Variants in DYNC1I2 observed in about 807,000 individuals in gnomAD.
DYNC1I2 encodes cytoplasmic dynein 1 intermediate chain 2.
Under a neutral mutation model 88.6 loss-of-function variants are expected in DYNC1I2, and 53 were observed. The observed-to-expected ratio is 0.60, with a 90% confidence interval of 0.48 to 0.75. The LOEUF is 0.75. DYNC1I2 is among the 30% of genes least tolerant of loss of function. The pLI, the probability that DYNC1I2 is intolerant of heterozygous loss-of-function variation, is 0.00. For missense variants in DYNC1I2, 458 were observed against 766.6 expected (o/e 0.60, Z 4.75); for synonymous variants, 198 against 254.6 (o/e 0.78, Z 2.12).
chr2:171,709,378 T>C (rs906545199), intron 5 of DYNC1I2, among the ~76,000 whole-genome samples: 3 of 152,164 alleles, frequency 2.0e-5, no homozygotes, highest in Admixed American at 6.6e-5. Context: ...AAGAAAAATA[T>C]TTATTCATGT....
chr2:171,725,414 C>T (rs1260891651), intron 7 of DYNC1I2, among the ~76,000 whole-genome samples: 4 of 152,030 alleles, frequency 2.6e-5, no homozygotes, highest in Non-Finnish European at 4.4e-5. Flanking sequence ...CAAGAGGTTC[C>T]ACTTAACTAT....
chr2:171,742,574 A>G (rs1192299972), intron 15 of DYNC1I2, among the ~76,000 whole-genome samples: 1 of 152,194 alleles, frequency 6.6e-6, no homozygotes, highest in Non-Finnish European at 1.5e-5. Flanking sequence ...AATAACTTTT[A>G]TGGAATCTGA....
intron 16 of DYNC1I2, 67 bp from the exon 17 acceptor site, chr2:171,745,735 T>C (rs1689732901): frequency 6.7e-7 from 1 of 1,482,028 alleles, no homozygotes; most frequent in African/African-American, 1.4e-5. Context: ...GAAGAATTAC[T>C]GTTTTACATG....
At chr2:171,708,148 T>TA (rs1305683753) in intron 5 of DYNC1I2, among the ~76,000 whole-genome samples, 2 of 151,910 alleles carry the variant, frequency 1.3e-5, no homozygotes, top group Non-Finnish European at 2.9e-5. Context: ...TAAACATAGG[T>TA]AGTCAAAATC....
At chr2:171,725,597 T>C (rs536047148) in intron 7 of DYNC1I2, 21 bp from the exon 8 acceptor site, 4 of 1,286,828 alleles carry the variant, frequency 3.1e-6, no homozygotes, top group East Asian at 5.0e-5. Context: ...TTTTTTTGTT[T>C]GTTTTTTTTT....
chr2:171,725,604 T>G lies in DYNC1I2; in HGVS notation c.512-14T>G, dbSNP rs1559391172. Reference sequence around the variant, plus strand: ...TTTTTTTGTTTTTTTGTTTGTTTTTTTTTTTTTTTTCAGATGAAGAGGAAG... The same window carrying G: ...TTTTTTTGTTTTTTTGTTTGTTTTTGTTTTTTTTTTCAGATGAAGAGGAAG... On this transcript the variant is annotated splice_polypyrimidine_tract_variant and intron_variant, in intron 7 of 17. Coordinates refer to ENST00000397119, the MANE Select transcript of DYNC1I2 (RefSeq NM_001378.3). 33 of 1,405,236 alleles carry G rather than the reference T, an allele frequency of 2.3e-5. No individual in the cohort carries two copies. Among genetic ancestry groups the G allele is most frequent in the East Asian group, 2.6e-5 (1 of 38,592 alleles). The allele number at this position is 1,405,236 out of a possible 1,614,324, so 87.0% of individuals were successfully genotyped here. A position where few individuals can be genotyped will look rare whatever the true frequency, so the allele number is the denominator to read the frequency against.
intron 17 of DYNC1I2, among the ~76,000 whole-genome samples, chr2:171,746,951 T>A (rs1689824616): frequency 6.6e-6 from 1 of 151,866 alleles, no homozygotes; most frequent in East Asian, 1.9e-4. Context: ...CCCAGCACTT[T>A]GGGAGGATGA....
chr2:171,707,069 G>GCC, intron 4 of DYNC1I2: 1 of 651,850 alleles, frequency 1.5e-6, no homozygotes. Flanking sequence ...AATGCATTTT[G>GCC]CCAGAAAAAT....
At position 171,703,253 on chromosome 2, in the gene DYNC1I2, T is replaced by G. The variant is rs569511272; in HGVS notation, c.227-3294T>G. ...CGTATTGTTTAATTTAATTATTTTT[T>G]GAGACAGGGCCTCACTCTGTTACCC... On this transcript the variant is annotated intron_variant, in intron 3 of 17. Coordinates refer to ENST00000397119, the MANE Select transcript of DYNC1I2 (RefSeq NM_001378.3). Among the ~76,000 whole-genome samples, 3 of 152,334 alleles carry G rather than the reference T, an allele frequency of 2.0e-5. No individual in the cohort carries two copies. In the South Asian group the frequency reaches 6.2e-4, roughly 32 times the overall value.
chr2:171,715,251 C>G, intron 6 of DYNC1I2, 77 bp from the exon 7 acceptor site: 1 of 848,268 alleles, frequency 1.2e-6, no homozygotes. Flanking sequence ...GTGCAAATGA[C>G]TGTTTAATTC....
chr2:171,743,532 G>A (rs761567838), intron 15 of DYNC1I2, among the ~76,000 whole-genome samples: 3 of 152,216 alleles, frequency 2.0e-5, no homozygotes, highest in Non-Finnish European at 2.9e-5. Flanking sequence ...CCTGTCAGAA[G>A]TTCTCGTGCC....
intron 9 of DYNC1I2, 31 bp from the exon 10 acceptor site, chr2:171,726,163 T>C (rs761813083): frequency 1.9e-6 from 3 of 1,589,076 alleles, no homozygotes; most frequent in Admixed American, 1.8e-5. Flanking sequence ...TATAACACCA[T>C]CTTTTTGGGG....
At chr2:171,692,727 A>G (rs1685487714) in intron 2 of DYNC1I2, 50 bp from the exon 3 acceptor site, 2 of 1,388,426 alleles carry the variant, frequency 1.4e-6, no homozygotes, top group East Asian at 2.5e-5. Context: ...TTTTGCAAAC[A>G]AATTTTTCAT....
At chr2:171,713,400 G>T (rs1417171351) in intron 6 of DYNC1I2, among the ~76,000 whole-genome samples, 1 of 150,182 alleles carries the variant, frequency 6.7e-6, no homozygotes, top group Admixed American at 6.6e-5. Flanking sequence ...AAATAAATAG[G>T]TTCTTTTCTT....
chr2:171,708,028 A>T (rs923593598), intron 5 of DYNC1I2, among the ~76,000 whole-genome samples: 9 of 151,606 alleles, frequency 5.9e-5, no homozygotes, highest in African/African-American at 2.2e-4. Context: ...CAAAGATCAT[A>T]TTGGGAAAAG....
chr2:171,697,712 G>A (rs1461157662), intron 3 of DYNC1I2, among the ~76,000 whole-genome samples: 1 of 151,642 alleles, frequency 6.6e-6, no homozygotes, highest in Non-Finnish European at 1.5e-5. Flanking sequence ...AACAAAATTA[G>A]CCAGGCATGA....
At position 171,748,433 on chromosome 2, in the gene DYNC1I2, C is replaced by T. The variant is rs116719091; in HGVS notation, c.*544C>T. ...TTAACTTTTCAAATTTTCATTTTTA[C>T]TCCTTACAACTTGAATTTTTCCATC... is the stretch of plus-strand genomic sequence containing the variant. On this transcript the variant is annotated 3_prime_UTR_variant, in exon 18 of 18. Coordinates refer to ENST00000397119, the MANE Select transcript of DYNC1I2 (RefSeq NM_001378.3). The T allele has an allele frequency of 6.6e-6, 1 of 152,076 alleles. No homozygotes were observed. Among genetic ancestry groups the T allele is most frequent in the Admixed American group, 6.5e-5 (1 of 15,268 alleles). The allele number at this position is 152,076 out of a possible 1,614,324, so 9.4% of individuals were successfully genotyped here.
At chr2:171,727,024 G>A in intron 11 of DYNC1I2, 108 bp downstream of exon 11, 1 of 1,260,842 alleles carries the variant, frequency 7.9e-7, no homozygotes, top group East Asian at 2.6e-5. Flanking sequence ...CATTGGATTG[G>A]CATTTTACTA....
chr2:171,709,079 A>G (rs1257372061), intron 5 of DYNC1I2, among the ~76,000 whole-genome samples: 1 of 152,144 alleles, frequency 6.6e-6, no homozygotes, highest in Non-Finnish European at 1.5e-5. Context: ...CATAGTAAAA[A>G]TGTTTCCCAA....
Sources: allele counts gnomAD v4.1 joint callset (sites outside exome capture counted in the v4.1 genomes callset), GRCh38; gene constraint gnomAD v4.1.1; transcripts MANE v1.5; gene names NCBI Gene and HGNC (gene_info 2026-07-23, HGNC 2026-07-21).